Variants in SVIL observed in about 807,000 individuals in gnomAD.
The protein encoded by SVIL is supervillin.
SVIL carries 101 observed loss-of-function variants against 240.4 expected under a neutral mutation model. The ratio of observed to expected loss-of-function variants is 0.42; its 90% CI spans 0.36 to 0.50. The LOEUF is 0.50. Among genes scored for constraint, SVIL ranks in the 20% least tolerant of loss-of-function variants. SVIL has a pLI of 0.01. For synonymous variants in SVIL, 999 were observed against 1,100.0 expected, an observed-to-expected ratio of 0.91 and a Z score of 1.82; for missense variants, 2,512 against 2,818.7, an observed-to-expected ratio of 0.89 and a Z score of 2.46.
intron 17 of SVIL, among the ~76,000 whole-genome samples, chr10:29,506,248 G>C (rs989541545): frequency 9.9e-5 from 15 of 152,114 alleles, no homozygotes; most frequent in African/African-American, 3.4e-4. Context: ...AGAAACACAA[G>C]CTCATTTCCC....
intron 1 of SVIL, among the ~76,000 whole-genome samples, chr10:29,709,656 C>G (rs529501810): frequency 6.6e-6 from 1 of 152,322 alleles, no homozygotes; most frequent in South Asian, 2.1e-4. Context: ...GTGGAATACC[C>G]AGGGGCGTCA....
chr10:29,653,360 A>T (rs1020678833), intron 3 of SVIL, among the ~76,000 whole-genome samples: 2 of 151,374 alleles, frequency 1.3e-5, no homozygotes, highest in Non-Finnish European at 2.9e-5. Context: ...CTTCCCATTC[A>T]CCTTCTGCCA....
chr10:29,692,700 C>T (rs1173737495), intron 1 of SVIL, among the ~76,000 whole-genome samples: 2 of 151,268 alleles, frequency 1.3e-5, no homozygotes, highest in East Asian at 1.9e-4. Flanking sequence ...CCTATGTTGC[C>T]CAGATTGGTT....
At position 29,526,619 on chromosome 10, in the gene SVIL, A is replaced by T. The variant is rs115315075; in HGVS notation, c.2342+342T>A. On this transcript the variant is annotated intron_variant, in intron 13 of 37. Coordinates refer to ENST00000355867, the MANE Select transcript of SVIL (RefSeq NM_021738.3). ...CGCCTGGCCAATGTCCCATTTTTCT[A>T]TTAATCTTTATTAAGTGCTATAACA... Among the ~76,000 whole-genome samples the T allele has an allele frequency of 2.3e-3, 347 of 152,220 alleles. 3 individuals carry two copies. The highest frequency in any genetic ancestry group is 8.1e-3 in the African/African-American group (336 of 41,536).
At chr10:29,597,838 G>A (rs927151429) in intron 1 of SVIL, among the ~76,000 whole-genome samples, 6 of 151,884 alleles carry the variant, frequency 4.0e-5, no homozygotes, top group East Asian at 3.9e-4. Context: ...ATTCACAGCC[G>A]GTAACTCAGG....
At chr10:29,575,380 C>G (rs1955646407) in intron 1 of SVIL, 4 of 216,590 alleles carry the variant, frequency 1.8e-5, no homozygotes, top group Admixed American at 1.6e-4. Context: ...ACACTGAGGC[C>G]CAGCCTAGGT....
At chr10:29,562,685 T>C (rs527430425) in intron 3 of SVIL, among the ~76,000 whole-genome samples, 2 of 146,078 alleles carry the variant, frequency 1.4e-5, no homozygotes, top group South Asian at 2.2e-4. Flanking sequence ...CACTTGAACC[T>C]GGGAGGCGGA....
At chr10:29,493,456 A>G in intron 20 of SVIL, 65 bp from the exon 21 acceptor site, 1 of 1,551,402 alleles carries the variant, frequency 6.4e-7, no homozygotes, top group Non-Finnish European at 8.8e-7. Flanking sequence ...TATGCTTCAC[A>G]ATAGTTTAAA....
intron 1 of SVIL, among the ~76,000 whole-genome samples, chr10:29,605,622 G>A (rs1188393195): frequency 2.0e-5 from 3 of 149,950 alleles, no homozygotes; most frequent in African/African-American, 7.3e-5. Context: ...ATTTGTTTGT[G>A]ATGTGAGTGG....
chr10:29,717,603 C>G (rs1963708612), intron 1 of SVIL, among the ~76,000 whole-genome samples: 2 of 152,092 alleles, frequency 1.3e-5, no homozygotes, highest in African/African-American at 4.8e-5. Context: ...AATTTAATGT[C>G]AACAATTCTG....
At chr10:29,589,902 C>T (rs1956318337) in intron 1 of SVIL, among the ~76,000 whole-genome samples, 1 of 152,128 alleles carries the variant, frequency 6.6e-6, no homozygotes, top group Admixed American at 6.5e-5. Flanking sequence ...GGCGTGGTGG[C>T]TCACGCCTGT....
intron 3 of SVIL, among the ~76,000 whole-genome samples, chr10:29,560,903 A>G (rs1221297556): frequency 2.0e-5 from 3 of 148,316 alleles, no homozygotes; most frequent in African/African-American, 7.5e-5. Context: ...CAGTGGCATG[A>G]TCTTGGCTCA....
At chr10:29,649,416 C>A (rs1028367497) in intron 3 of SVIL, among the ~76,000 whole-genome samples, 1 of 152,180 alleles carries the variant, frequency 6.6e-6, no homozygotes, top group Admixed American at 6.5e-5. Flanking sequence ...CAAGCAATTA[C>A]AACCACAAAG....
chr10:29,523,879 G>T lies in SVIL; in HGVS notation c.2735C>A (p.Ser912Tyr), dbSNP rs1239685391. The T allele has an allele frequency of 6.2e-7, 1 of 1,614,202 alleles. No homozygotes were observed. The highest frequency in any genetic ancestry group is 1.7e-5 in the Admixed American group (1 of 60,022). Residue 912 changes from serine (S) to tyrosine (Y), a missense_variant, in exon 15 of 38, where the codon TCT (serine) becomes TAT (tyrosine). Ser to Tyr is a moderately radical substitution (Grantham distance 144). Around this residue, in one of 3 missense-constraint regions of SVIL, gnomAD observed 1,443 missense variants for 1,486.6 expected, o/e 0.97. Coordinates refer to ENST00000355867, the MANE Select transcript of SVIL (RefSeq NM_021738.3). ...AGAGTCCGAATTTTCTATTGAAGAA[G>T]AAAACTTATAGTCAGTGGCACTTGC... is the stretch of plus-strand genomic sequence containing the variant. ...HNASATDYKF[S>Y]SSIENSDSPV...
chr10:29,613,099 C>G (rs1957306417), intron 1 of SVIL, among the ~76,000 whole-genome samples: 1 of 151,356 alleles, frequency 6.6e-6, no homozygotes, highest in Non-Finnish European at 1.5e-5. Context: ...TTGCTTGAAC[C>G]CAGGAGGCAG....
At chr10:29,648,177 C>A (rs913719128) in intron 3 of SVIL, among the ~76,000 whole-genome samples, 4 of 152,196 alleles carry the variant, frequency 2.6e-5, no homozygotes, top group Non-Finnish European at 5.9e-5. Context: ...GGCATCTACC[C>A]AAAGCCTTTG....
chr10:29,604,755 G>T (rs1956955552), intron 1 of SVIL, among the ~76,000 whole-genome samples: 1 of 152,090 alleles, frequency 6.6e-6, no homozygotes, highest in Admixed American at 6.5e-5. Context: ...TTTTTGTAAA[G>T]ATAGGGTCTT....
intron 1 of SVIL, among the ~76,000 whole-genome samples, chr10:29,710,603 A>G (rs937843892): frequency 6.6e-6 from 1 of 152,242 alleles, no homozygotes; most frequent in Non-Finnish European, 1.5e-5. Flanking sequence ...ATAAAGAGAA[A>G]GAAACTCTAG....
chr10:29,477,915 G>A (rs972168302), intron 29 of SVIL, among the ~76,000 whole-genome samples: 3 of 152,110 alleles, frequency 2.0e-5, no homozygotes, highest in Non-Finnish European at 2.9e-5. Flanking sequence ...TGAACTCTTC[G>A]CTTTATTTTT....
Sources: allele counts gnomAD v4.1 joint callset (sites outside exome capture counted in the v4.1 genomes callset), GRCh38; gene constraint gnomAD v4.1.1; regional missense constraint gnomAD v4.1.1; transcripts MANE v1.5; gene names NCBI Gene and HGNC (gene_info 2026-07-23, HGNC 2026-07-21).